Variants in SLC29A2 observed in about 807,000 individuals in gnomAD.
SLC29A2 encodes the protein solute carrier family 29 member 2.
In SLC29A2, 37 loss-of-function variants were observed where a neutral mutation model predicts 48.8. That is an observed-to-expected ratio of 0.76 (90% CI 0.58 to 1.00). The LOEUF (loss-of-function observed/expected upper bound fraction) is 1.00. Ranked by LOEUF, SLC29A2 falls within the 50% of genes least tolerant of loss-of-function variation. The pLI is 0.00. For missense variants in SLC29A2, 533 were observed against 578.6 expected, an observed-to-expected ratio of 0.92 and a Z score of 0.81; for synonymous variants, 233 against 261.7, an observed-to-expected ratio of 0.89 and a Z score of 1.06.
Position 66,371,569 on chromosome 11 carries a change from C to T in SLC29A2, c.23G>A (p.Arg8Gln), listed in dbSNP as rs1195058816. 2.6e-6 allele frequency: 4 copies of T among 1,550,434 alleles called. No individual in the cohort carries two copies. Among genetic ancestry groups the T allele is most frequent in the South Asian group, 1.2e-5 (1 of 84,282 alleles). Residue 8 changes from arginine to glutamine, a missense_variant, in exon 1 of 12, where the codon CGG becomes CAG. Transcript: ENST00000357440. ...CGCACCCGGGCCCACTCACCTGTCC[C>T]GCGGGGCGTCTCCTCGCGCCATGGC... MARGDAPRDSYHLVGISF... is the reference protein window; with the variant it reads MARGDAPQDSYHLVGISF...
In SLC29A2 at chr11:66,368,642, A is replaced by C. The variant is rs1449508577; in HGVS notation, c.445T>G (p.Phe149Val). The C allele has an allele frequency of 6.2e-7, 1 of 1,602,368 alleles. No homozygotes were observed. Among genetic ancestry groups the C allele is most frequent in the African/African-American group, 1.3e-5 (1 of 74,764 alleles). Residue 149 changes from phenylalanine (F) to valine (V), a missense_variant, in exon 5 of 12, where the codon TTC (phenylalanine) becomes GTC (valine). Coordinates refer to ENST00000357440, the MANE Select transcript of SLC29A2 (RefSeq NM_001532.3). ...GAGGGCATGGTGCCCAGCTGCCCGA[A>C]GAGGCTGCCCTGTAGGACTGCACTG... is the stretch of plus-strand genomic sequence containing the variant. ...SFSAVLQGSL[F>V]GQLGTMPSTY...
chr11:66,368,291 A>G (rs940089203), intron 5 of SLC29A2, among the ~76,000 whole-genome samples: 1 of 152,082 alleles, frequency 6.6e-6, no homozygotes, highest in Non-Finnish European at 1.5e-5. Context: ...ACCTGCTGCC[A>G]CATGCCAGTA....
upstream of SLC29A2, chr11:66,372,145 G>C (rs1280269451): frequency 1.3e-5 from 2 of 152,516 alleles, no homozygotes; most frequent in Admixed American, 1.3e-4. Flanking sequence ...CCTAACTAGG[G>C]AGCCGCTGCG....
rs1188339890 is a variant in SLC29A2, at chr11:66,366,656, C to T, written c.734-92G>A. On this transcript the variant is annotated intron_variant, in intron 7 of 11. Coordinates refer to ENST00000357440, the MANE Select transcript of SLC29A2 (RefSeq NM_001532.3). Reference sequence around the variant, plus strand: ...GAAGGGAGATTCCCAGCAGTTAAAACAAGTGATCCTCAGCTCAGCATGGTG... The same window carrying T: ...GAAGGGAGATTCCCAGCAGTTAAAATAAGTGATCCTCAGCTCAGCATGGTG... 5 of 1,442,948 alleles carry T rather than the reference C, an allele frequency of 3.5e-6. No individual in the cohort carries two copies. In the East Asian group the frequency reaches 6.9e-5, roughly 20 times the overall value. 89.4% of individuals were successfully genotyped at this position (1,442,948 alleles called of 1,614,324 possible).
intron 5 of SLC29A2, 89 bp from the exon 6 acceptor site, chr11:66,367,958 T>C (rs1590657398): frequency 2.0e-6 from 2 of 995,996 alleles, no homozygotes; most frequent in East Asian, 2.6e-5. Flanking sequence ...TCCCATTGTG[T>C]ACTTCTCAGA....
Position 66,371,253 on chromosome 11 carries a change from G to A in SLC29A2, c.102C>T (p.Thr34=). The A allele has an allele frequency of 6.2e-7, 1 of 1,613,740 alleles. No individual in the cohort carries two copies. The highest frequency in any genetic ancestry group is 8.5e-7 in the Non-Finnish European group (1 of 1,179,918). ...CCGCCAGGAGTCTCACCGGGATGGCGGTGATGAAGAAGTTCCAGGGAAGGA... is the reference window on the plus strand; with the variant it reads ...CCGCCAGGAGTCTCACCGGGATGGCAGTGATGAAGAAGTTCCAGGGAAGGA... The part of the protein sequence containing the change: ...GTLLPWNFFI[T]AIPYFQARLA... The change falls in exon 2 of 12, where the codon ACC becomes ACT. Residue 34 remains threonine, a synonymous_variant. Coordinates refer to ENST00000357440, the MANE Select transcript of SLC29A2 (RefSeq NM_001532.3).
At chr11:66,372,009 C>T (rs1191431340), upstream of SLC29A2, 2 of 235,432 alleles carry the variant, frequency 8.5e-6, no homozygotes, top group East Asian at 1.2e-4. Flanking sequence ...TGTAACCTCA[C>T]CTCCACCCCC....
In SLC29A2 at chr11:66,369,249, C is replaced by G. The variant is rs1855886939; in HGVS notation, c.276-50G>C. 3 of 1,582,724 alleles carry G rather than the reference C, an allele frequency of 1.9e-6. No individual in the cohort carries two copies. In the East Asian group the frequency reaches 6.9e-5, roughly 37 times the overall value. ...TCAGTGGGGCCCAGGCCAGAGGGGG[C>G]TGGGGAAGGAGGCTCGACACCTGGG... On this transcript the variant is annotated intron_variant, in intron 3 of 11. Coordinates refer to ENST00000357440, the MANE Select transcript of SLC29A2 (RefSeq NM_001532.3).
Position 66,364,434 on chromosome 11 carries a change from A to G in SLC29A2, c.1060-10T>C, listed in dbSNP as rs1182593092. The G allele has an allele frequency of 6.2e-7, 1 of 1,605,854 alleles. No individual in the cohort carries two copies. Among genetic ancestry groups the G allele is most frequent in the Admixed American group, 1.7e-5 (1 of 58,912 alleles). On this transcript the variant is annotated splice_polypyrimidine_tract_variant and intron_variant, in intron 10 of 11. Transcript: ENST00000357440. ...GGCTGTCCTCGTCTGGCTGTGGTAG[A>G]AGCTGAAGTCAGCATGGTCCCTGGA... is the stretch of plus-strand genomic sequence containing the variant.
At chr11:66,370,726 G>A (rs1590664407) in intron 2 of SLC29A2, among the ~76,000 whole-genome samples, 1 of 152,116 alleles carries the variant, frequency 6.6e-6, no homozygotes, top group Admixed American at 6.5e-5. Flanking sequence ...GCGCGTGGCG[G>A]CGGGCGCCTG....
Position 66,369,352 on chromosome 11 carries a change from C to T in SLC29A2, c.275+17G>A, listed in dbSNP as rs376000971. 1 of 1,613,762 alleles carries T rather than the reference C, an allele frequency of 6.2e-7. No homozygotes were observed. Among genetic ancestry groups the T allele is most frequent in the Non-Finnish European group, 8.5e-7 (1 of 1,179,864 alleles). ...CTGCCTCGGCAGAGGGCGCAGGAGC[C>T]AGGGCAGGCCTCTCACCACTGGTAC... On this transcript the variant is annotated intron_variant, in intron 3 of 11. Transcript: ENST00000357440.
rs1435897151 is a variant in SLC29A2, at chr11:66,366,435, T to C, written c.863A>G (p.Gln288Arg). ...PGKPSVFTVF[Q>R]KIWLTALCLV... Reference sequence around the variant, plus strand: ...GGGGCTGTATCCAAGCCAAACCTTCTGGAAGACAGTGAAGACTGAAGGTTT... The same window carrying C: ...GGGGCTGTATCCAAGCCAAACCTTCCGGAAGACAGTGAAGACTGAAGGTTT... The change falls in exon 8 of 12, where the codon CAG (glutamine) becomes CGG (arginine). Residue 288 changes from glutamine to arginine, a missense_variant. By Grantham distance (43) the Gln-to-Arg change is conservative. Transcript: ENST00000357440. 6.2e-7 allele frequency: 1 copy of C among 1,614,074 alleles called. No homozygotes were observed. The highest frequency in any genetic ancestry group is 2.2e-5 in the East Asian group (1 of 44,902).
At chr11:66,369,576 T>TC in intron 2 of SLC29A2, 44 bp from the exon 3 acceptor site, 12 of 1,608,184 alleles carry the variant, frequency 7.5e-6, no homozygotes, top group Non-Finnish European at 9.4e-6. Context: ...CTCTCAGCCT[T>TC]CCCCCGCTGC....
rs200767442 is a variant in SLC29A2 at position 66,366,456 on chromosome 11, G to T, written c.842C>A (p.Pro281His). The T allele has an allele frequency of 6.2e-7, 1 of 1,614,230 alleles. No homozygotes were observed. Among genetic ancestry groups the T allele is most frequent in the Non-Finnish European group, 8.5e-7 (1 of 1,180,054 alleles). ...EPDEPQKPGK[P>H]SVFTVFQKIW... ...CTTCTGGAAGACAGTGAAGACTGAA[G>T]GTTTTCCTGGCTTCTGGGGCTCATC... The change falls in exon 8 of 12, where the codon CCT becomes CAT. Residue 281 changes from proline to histidine, a missense_variant. By Grantham distance (77) the Pro-to-His change is moderately conservative. Transcript: ENST00000357440.
chr11:66,363,372 G>T lies in SLC29A2; in HGVS notation c.*64C>A. 7.5e-7 allele frequency: 1 copy of T among 1,341,520 alleles called. No individual in the cohort carries two copies. The highest frequency in any genetic ancestry group is 1.1e-6 in the Non-Finnish European group (1 of 938,950). 83.1% of individuals were successfully genotyped at this position (1,341,520 alleles called of 1,614,324 possible). On this transcript the variant is annotated 3_prime_UTR_variant, in exon 12 of 12. Coordinates refer to ENST00000357440, the MANE Select transcript of SLC29A2 (RefSeq NM_001532.3). ...GAGCCAAGCTCGCCATTCGCCCTGG[G>T]CTGGATCTCAGCTCCGGAAGGAGAC...
At position 66,371,330 on chromosome 11, in the gene SLC29A2, G is replaced by A; in HGVS notation, c.30-5C>T. On this transcript the variant is annotated splice_polypyrimidine_tract_variant and splice_region_variant and intron_variant, in intron 1 of 11. Coordinates refer to ENST00000357440, the MANE Select transcript of SLC29A2 (RefSeq NM_001532.3). ...CTGATCCCGACCAGGTGGTAGCTGTGGGGATCGGTGGGAAGGTCACCCCGA... is the reference window on the plus strand; with the variant it reads ...CTGATCCCGACCAGGTGGTAGCTGTAGGGATCGGTGGGAAGGTCACCCCGA... 1 of 1,613,512 alleles carries A rather than the reference G, an allele frequency of 6.2e-7. No individual in the cohort carries two copies. The highest frequency in any genetic ancestry group is 8.5e-7 in the Non-Finnish European group (1 of 1,179,786).
Position 66,363,548 on chromosome 11 carries a change from C to T in SLC29A2, c.1260-1G>A, listed in dbSNP as rs746633511. 6.2e-7 allele frequency: 1 copy of T among 1,609,800 alleles called. No homozygotes were observed. Among genetic ancestry groups the T allele is most frequent in the South Asian group, 1.1e-5 (1 of 90,460 alleles). ...CTCCCTCTCGTGTGGCAGCACCTGCCTAGAACACCCGGGAACAGGAGCTCT... is the reference window on the plus strand; with the variant it reads ...CTCCCTCTCGTGTGGCAGCACCTGCTTAGAACACCCGGGAACAGGAGCTCT... On this transcript the variant is annotated splice_acceptor_variant, in intron 11 of 11. Transcript: ENST00000357440. LOFTEE classifies it high-confidence loss of function.
chr11:66,363,375 G>T lies in SLC29A2; in HGVS notation c.*61C>A. The T allele has an allele frequency of 7.3e-7, 1 of 1,361,470 alleles. No homozygotes were observed. The highest frequency in any genetic ancestry group is 1.0e-6 in the Non-Finnish European group (1 of 956,118). 84.3% of individuals were successfully genotyped at this position (1,361,470 alleles called of 1,614,324 possible). On this transcript the variant is annotated 3_prime_UTR_variant, in exon 12 of 12. Coordinates refer to ENST00000357440, the MANE Select transcript of SLC29A2 (RefSeq NM_001532.3). ...CCAAGCTCGCCATTCGCCCTGGGCT[G>T]GATCTCAGCTCCGGAAGGAGACGTC...
rs1590642632 is a variant in SLC29A2, at chr11:66,363,206, G to C, written c.*230C>G. ...GTCATCACCCTTTCCATGAGGTCTTGTGCGAGTCACCCCCATTCCTGGGTG... is the reference window on the plus strand; with the variant it reads ...GTCATCACCCTTTCCATGAGGTCTTCTGCGAGTCACCCCCATTCCTGGGTG... On this transcript the variant is annotated 3_prime_UTR_variant, in exon 12 of 12. Transcript: ENST00000357440. 3.5e-6 allele frequency: 2 copies of C among 566,132 alleles called. No individual in the cohort carries two copies. Among genetic ancestry groups the C allele is most frequent in the Non-Finnish European group, 6.4e-6 (2 of 311,294 alleles). The allele number at this position is 566,132 out of a possible 1,614,324, so 35.1% of individuals were successfully genotyped here.
Sources: allele counts gnomAD v4.1 joint callset (sites outside exome capture counted in the v4.1 genomes callset), GRCh38; gene constraint gnomAD v4.1.1; transcripts MANE v1.5; gene names NCBI Gene and HGNC (gene_info 2026-07-23, HGNC 2026-07-21).